Variants in MCM2 observed in about 807,000 individuals in gnomAD.
The protein encoded by MCM2 is minichromosome maintenance complex component 2.
In MCM2, 49 loss-of-function variants were observed where a neutral mutation model predicts 86.4. The ratio of observed to expected loss-of-function variants is 0.57; its 90% CI spans 0.45 to 0.72. The LOEUF is 0.72. Ranked by LOEUF, MCM2 falls within the 30% of genes least tolerant of loss-of-function variation. The pLI, the probability that MCM2 is intolerant of heterozygous loss-of-function variation, is 0.00. For missense variants in MCM2, 1,038 were observed against 1,259.9 expected (o/e 0.82, Z 2.67); for synonymous variants, 475 against 484.6 (o/e 0.98, Z 0.26).
Position 127,616,912 on chromosome 3 carries a change from G to A in MCM2, c.1567G>A (p.Gly523Arg). The change falls in exon 10 of 16, where the codon GGA becomes AGA. Residue 523 changes from glycine to arginine, a missense_variant. Gly to Arg is a moderately radical substitution (Grantham distance 125, BLOSUM62 -2). Coordinates refer to ENST00000265056, the MANE Select transcript of MCM2 (RefSeq NM_004526.4). ...TGGTGATATCAACGTGCTCTTGTGC[G>A]GAGACCCTGGCACAGCGAAGTCGCA... is the stretch of plus-strand genomic sequence containing the variant. ...VRGDINVLLC[G>R]DPGTAKSQFL... The A allele has an allele frequency of 1.2e-6, 2 of 1,614,150 alleles. No homozygotes were observed. The highest frequency in any genetic ancestry group is 8.5e-7 in the Non-Finnish European group (1 of 1,180,044).
At chr3:127,599,066 G>C in intron 1 of MCM2, 1 of 567,124 alleles carries the variant, frequency 1.8e-6, no homozygotes, top group East Asian at 3.0e-5. Context: ...AAAGCACGGT[G>C]ATGTGGGTGA....
chr3:127,617,585 C>T lies in MCM2; in HGVS notation c.1900+180C>T. ...AACAGTGAAAGTGGGACCTGGGACA[C>T]CTGGGTTTCCTGTTGAGTCATGTTC... On this transcript the variant is annotated intron_variant, in intron 11 of 15. Coordinates refer to ENST00000265056, the MANE Select transcript of MCM2 (RefSeq NM_004526.4). The surrounding 1 kb of genome is among the most constrained non-coding windows in gnomAD (Gnocchi z 4.1). 8.0e-6 allele frequency: 6 copies of T among 751,084 alleles called. No homozygotes were observed. Among genetic ancestry groups the T allele is most frequent in the Non-Finnish European group, 1.3e-5 (6 of 475,872 alleles). 46.5% of individuals were successfully genotyped at this position (751,084 alleles called of 1,614,324 possible).
chr3:127,617,481 G>A lies in MCM2; in HGVS notation c.1900+76G>A, dbSNP rs970527565. ...CCGCCTGCTTGAATTGGGAGCCCAC[G>A]GGGTCCCCAGGAGCCGATCTGAGGA... On this transcript the variant is annotated intron_variant, in intron 11 of 15. Transcript: ENST00000265056. This position sits in a 1 kb window ranked among gnomAD's most constrained non-coding sequence, Gnocchi z 4.1. The A allele has an allele frequency of 6.9e-5, 104 of 1,515,248 alleles. No homozygotes were observed. The highest frequency in any genetic ancestry group is 1.7e-4 in the Admixed American group (8 of 46,766). 93.9% of individuals were successfully genotyped at this position (1,515,248 alleles called of 1,614,324 possible).
Position 127,604,648 on chromosome 3 carries a change from G to A in MCM2, c.277G>A (p.Glu93Lys), listed in dbSNP as rs199660068. The A allele has an allele frequency of 6.2e-6, 10 of 1,613,286 alleles. No homozygotes were observed. The highest frequency in any genetic ancestry group is 5.3e-5 in the African/African-American group (4 of 75,052). ...AIPELDAYEA[E>K]GLALDDEDVE... is the part of the protein sequence containing the mutation. ...CCCAGAGCTGGACGCCTATGAGGCC[G>A]AGGGACTGGCTCTGGATGATGAGGA... Residue 93 changes from glutamate (E) to lysine (K), a missense_variant, in exon 3 of 16, where the codon GAG (glutamate) becomes AAG (lysine). By Grantham distance (56) the Glu-to-Lys change is moderately conservative. Around this residue, in one of 4 missense-constraint regions of MCM2, gnomAD observed 300 missense variants for 307.4 expected, o/e 0.98. Transcript: ENST00000265056.
chr3:127,610,505 G>A (rs770577348), intron 8 of MCM2, among the ~76,000 whole-genome samples: 3 of 152,166 alleles, frequency 2.0e-5, no homozygotes, highest in Non-Finnish European at 4.4e-5. Flanking sequence ...GCACGGCTAT[G>A]GTTGCCCCTT....
intron 4 of MCM2, among the ~76,000 whole-genome samples, chr3:127,605,527 G>A (rs1204483103): frequency 7.3e-5 from 10 of 136,926 alleles, no homozygotes; most frequent in South Asian, 2.4e-4. Context: ...TGCAACCTCC[G>A]CCTCCTGGGT....
intron 13 of MCM2, among the ~76,000 whole-genome samples, chr3:127,619,875 C>T (rs2107696587): frequency 6.6e-6 from 1 of 152,016 alleles, no homozygotes; most frequent in African/African-American, 2.4e-5. Flanking sequence ...CCCAGCTACT[C>T]AGGAAGCTAA....
rs1446406144 is a variant in MCM2 at position 127,604,767 on chromosome 3, C to T, written c.396C>T (p.Arg132=). Residue 132 remains arginine, a synonymous_variant, in exon 3 of 16, where the codon CGC becomes CGT. Coordinates refer to ENST00000265056, the MANE Select transcript of MCM2 (RefSeq NM_004526.4). The stretch of plus-strand genomic sequence containing the variant: ...CTGGCCGGGGCCTGGGCCGCATGCG[C>T]CGTGGGCTCCTGTATGGTAGGTCCA... The part of the protein sequence containing the change: ...REAGRGLGRM[R]RGLLYDSDEE... 4 of 1,595,186 alleles carry T rather than the reference C, an allele frequency of 2.5e-6. No individual in the cohort carries two copies. In the East Asian group the frequency reaches 9.1e-5, roughly 36 times the overall value.
rs200753842 is a variant in MCM2 at position 127,616,846 on chromosome 3, C to G, written c.1523-22C>G. ...CTCACTTCCCACTCTCCCCCTCCCC[C>G]GCTTCTACTCATCCCCTCCAGGTGG... is the stretch of plus-strand genomic sequence containing the variant. On this transcript the variant is annotated intron_variant, in intron 9 of 15. Transcript: ENST00000265056. 2.4e-4 allele frequency: 389 copies of G among 1,603,984 alleles called. 1 individual carries two copies. Among genetic ancestry groups the G allele is most frequent in the Admixed American group, 4.7e-4 (28 of 59,808 alleles).
At chr3:127,621,258 G>C (rs762025196) in intron 15 of MCM2, 30 bp downstream of exon 15, 9 of 1,611,106 alleles carry the variant, frequency 5.6e-6, no homozygotes, top group African/African-American at 4.0e-5. Flanking sequence ...GTGAGGGTTG[G>C]GGTATGCTGA....
chr3:127,600,663 T>C (rs1272922636), intron 2 of MCM2, among the ~76,000 whole-genome samples: 1 of 152,100 alleles, frequency 6.6e-6, no homozygotes, highest in Non-Finnish European at 1.5e-5. Flanking sequence ...TGCCCTGGAC[T>C]TGGGGTCAGG....
At chr3:127,598,806 T>A (rs1198399614) in intron 1 of MCM2, 11 of 408,088 alleles carry the variant, frequency 2.7e-5, no homozygotes, top group East Asian at 1.3e-4. Flanking sequence ...TTTTTTTTTT[T>A]AATTTCCCAA....
In MCM2 at chr3:127,606,431, G is replaced by T; in HGVS notation, c.893+94G>T. On this transcript the variant is annotated intron_variant, in intron 5 of 15. Transcript: ENST00000265056. This position sits in a 1 kb window ranked among gnomAD's most constrained non-coding sequence, Gnocchi z 4.2. ...AGAGCGATTGTGGTGTGGGCGGGGA[G>T]GGTGCAGCCAGCAGCATCCTCATCG... 7.5e-7 allele frequency: 1 copy of T among 1,336,664 alleles called. No individual in the cohort carries two copies. The highest frequency in any genetic ancestry group is 1.0e-6 in the Non-Finnish European group (1 of 955,420). 82.8% of individuals were successfully genotyped at this position (1,336,664 alleles called of 1,614,324 possible).
In MCM2 at chr3:127,620,857, A is replaced by C; in HGVS notation, c.2425A>C (p.Ser809Arg). 1 of 1,611,338 alleles carries C rather than the reference A, an allele frequency of 6.2e-7. No homozygotes were observed. Among genetic ancestry groups the C allele is most frequent in the Non-Finnish European group, 8.5e-7 (1 of 1,178,178 alleles). ...LESFIDTQKF[S>R]VMRSMRKTFA... ...GAGCTTCATAGACACACAGAAGTTCAGCGTCATGCGCAGCATGCGCAAGGT... is the reference window on the plus strand; with the variant it reads ...GAGCTTCATAGACACACAGAAGTTCCGCGTCATGCGCAGCATGCGCAAGGT... Residue 809 changes from serine (S) to arginine (R), a missense_variant, in exon 14 of 16, where the codon AGC (serine) becomes CGC (arginine). Transcript: ENST00000265056.
At chr3:127,600,481 C>T (rs1360985228) in intron 2 of MCM2, among the ~76,000 whole-genome samples, 11 of 152,138 alleles carry the variant, frequency 7.2e-5, no homozygotes, top group East Asian at 5.8e-4. Context: ...TCAGCCTTAG[C>T]ATGTGTGAGA....
chr3:127,620,848 C>T lies in MCM2; in HGVS notation c.2416C>T (p.Gln806Ter). 6.2e-7 allele frequency: 1 copy of T among 1,612,516 alleles called. No individual in the cohort carries two copies. Among genetic ancestry groups the T allele is most frequent in the Non-Finnish European group, 8.5e-7 (1 of 1,179,066 alleles). ...GATGCTGGAGAGCTTCATAGACACA[C>T]AGAAGTTCAGCGTCATGCGCAGCAT... is the stretch of plus-strand genomic sequence containing the variant. ...RVMLESFIDT[Q>*]KFSVMRSMRK... Residue 806 changes from glutamine to a stop codon, truncating the protein, a stop_gained, in exon 14 of 16, where the codon CAG becomes TAG. Transcript: ENST00000265056. LOFTEE classifies it high-confidence loss of function.
chr3:127,608,861 T>C lies in MCM2; in HGVS notation c.1266T>C (p.Tyr422=). The stretch of plus-strand genomic sequence containing the variant: ...TGACTGGCATCTATCACAACAACTA[T>C]GATGGCTCCCTCAACACTGCCAATG... ...IELTGIYHNN[Y]DGSLNTANGF... Residue 422 remains tyrosine, a synonymous_variant, in exon 8 of 16, where the codon TAT becomes TAC. Coordinates refer to ENST00000265056, the MANE Select transcript of MCM2 (RefSeq NM_004526.4). 2.5e-6 allele frequency: 4 copies of C among 1,614,196 alleles called. No homozygotes were observed. Among genetic ancestry groups the C allele is most frequent in the South Asian group, 1.1e-5 (1 of 91,084 alleles).
At position 127,605,092 on chromosome 3, in the gene MCM2, G is replaced by A. The variant is rs2074336375; in HGVS notation, c.609G>A (p.Leu203=). 6.2e-7 allele frequency: 1 copy of A among 1,614,032 alleles called. No individual in the cohort carries two copies. Among genetic ancestry groups the A allele is most frequent in the Middle Eastern group, 1.6e-4 (1 of 6,062 alleles). Residue 203 remains leucine (L), a synonymous_variant, in exon 4 of 16, where the codon CTG becomes CTA. Transcript: ENST00000265056. ...TCCACCACCGCTTCAAGAACTTCCT[G>A]CGCACTCACGTCGACAGCCACGGCC... ...LEIHHRFKNF[L]RTHVDSHGHN... is the part of the protein sequence containing the mutation.
rs759750157 is a variant in MCM2, at chr3:127,616,907, T to C, written c.1562T>C (p.Leu521Ser). The C allele has an allele frequency of 1.2e-6, 2 of 1,614,194 alleles. No individual in the cohort carries two copies. Among genetic ancestry groups the C allele is most frequent in the South Asian group, 2.2e-5 (2 of 91,090 alleles). Residue 521 changes from leucine to serine, a missense_variant, in exon 10 of 16, where the codon TTG (leucine) becomes TCG (serine). Physicochemically the swap from Leu to Ser is moderately radical, Grantham distance 145. Around this residue, in one of 4 missense-constraint regions of MCM2, gnomAD observed 399 missense variants for 507.2 expected, o/e 0.79. Transcript: ENST00000265056. ...GTACGTGGTGATATCAACGTGCTCT[T>C]GTGCGGAGACCCTGGCACAGCGAAG... is the stretch of plus-strand genomic sequence containing the variant. ...HKVRGDINVL[L>S]CGDPGTAKSQ...
Sources: gnomAD v4.1 joint callset for allele counts (sites outside exome capture counted in the v4.1 genomes callset) on GRCh38, gnomAD v4.1.1 for gene constraint, gnomAD v4.1.1 regional missense constraint, Gnocchi (gnomAD v3.1) non-coding constraint, MANE v1.5 for transcripts, NCBI Gene and HGNC (gene_info 2026-07-23, HGNC 2026-07-21) for gene names.